The following GOLGA8B variants were observed in gnomAD, a reference collection of about 807,000 sequenced individuals.
GOLGA8B encodes the protein golgin A8 family member B, also known as golgin subfamily A member 8B.
In GOLGA8B, 1 loss-of-function variant was observed where a neutral mutation model predicts 15.6. The ratio of observed to expected loss-of-function variants is 0.06; its 90% CI spans 0.02 to 0.30. The LOEUF is 0.30. Ranked by LOEUF, GOLGA8B falls within the 10% of genes least tolerant of loss-of-function variation. GOLGA8B has a pLI of 1.00. For synonymous variants in GOLGA8B, 9 were observed against 80.3 expected, an observed-to-expected ratio of 0.11 and a Z score of 4.75; for missense variants, 17 against 201.3, an observed-to-expected ratio of 0.08 and a Z score of 5.54.
At chr15:34,561,056 T>G (rs1314750159) in intron 1 of GOLGA8B, among the ~76,000 whole-genome samples, 1 of 146,632 alleles carries the variant, frequency 6.8e-6, no homozygotes, top group African/African-American at 2.5e-5. Flanking sequence ...ACCTGGTATG[T>G]GAGGCAGGTG....
chr15:34,580,325 G>A (rs1320853265), intron 1 of GOLGA8B, among the ~76,000 whole-genome samples: 3 of 152,292 alleles, frequency 2.0e-5, no homozygotes, highest in East Asian at 3.9e-4. Flanking sequence ...ATCAGGCCGA[G>A]ACACATGGAT....
In GOLGA8B at chr15:34,525,329, C is replaced by T. The variant is rs943431190; in HGVS notation, c.*2303G>A. The T allele has an allele frequency of 2.7e-5, 4 of 149,774 alleles. 2 individuals carry two copies. The highest frequency in any genetic ancestry group is 5.9e-5 in the Non-Finnish European group (4 of 67,256). The allele number at this position is 149,774 out of a possible 1,614,324, so 9.3% of individuals were successfully genotyped here. On this transcript the variant is annotated 3_prime_UTR_variant, in exon 24 of 24. Coordinates refer to ENST00000683415, the MANE Select transcript of GOLGA8B (RefSeq NM_001023567.5). The stretch of plus-strand genomic sequence containing the variant: ...TCACATTACAGTAGCATCACACCAG[C>T]AGTCAATAATGCCACTTTAGGCAAA...
chr15:34,579,614 T>C (rs777987429), intron 1 of GOLGA8B, among the ~76,000 whole-genome samples: 1 of 152,246 alleles, frequency 6.6e-6, no homozygotes, highest in African/African-American at 2.4e-5. Flanking sequence ...AAACTGACGT[T>C]GCACAGTACA....
intron 1 of GOLGA8B, among the ~76,000 whole-genome samples, chr15:34,577,996 T>C (rs891949354): frequency 1.3e-5 from 2 of 152,246 alleles, no homozygotes; most frequent in African/African-American, 2.4e-5. Context: ...GATATTCTTA[T>C]GGGACCTCTG....
At chr15:34,570,680 C>A (rs1888892179) in intron 1 of GOLGA8B, among the ~76,000 whole-genome samples, 1 of 127,352 alleles carries the variant, frequency 7.9e-6, no homozygotes, top group South Asian at 2.6e-4. Context: ...GGAAGAATGA[C>A]AAACCATTTA....
intron 1 of GOLGA8B, among the ~76,000 whole-genome samples, chr15:34,567,325 A>C (rs1226996782): frequency 6.8e-6 from 1 of 147,692 alleles, no homozygotes; most frequent in Non-Finnish European, 1.5e-5. Context: ...CTCCATACAA[A>C]ACCACATGGG....
chr15:34,526,108 C>T lies in GOLGA8B; in HGVS notation c.*1524G>A, dbSNP rs1283583984. On this transcript the variant is annotated 3_prime_UTR_variant, in exon 24 of 24. Coordinates refer to ENST00000683415, the MANE Select transcript of GOLGA8B (RefSeq NM_001023567.5). ...ACAGAAATATTGCACAAAATATGTC[C>T]CTGACTGAAACTGAGAGGTACAAAA... 1 of 149,714 alleles carries T rather than the reference C, an allele frequency of 6.7e-6. No homozygotes were observed. The highest frequency in any genetic ancestry group is 1.5e-5 in the Non-Finnish European group (1 of 67,162). 9.3% of individuals were successfully genotyped at this position (149,714 alleles called of 1,614,324 possible).
At chr15:34,563,577 T>C (rs1224749756) in intron 1 of GOLGA8B, among the ~76,000 whole-genome samples, 1 of 150,660 alleles carries the variant, frequency 6.6e-6, no homozygotes, top group Non-Finnish European at 1.5e-5. Flanking sequence ...TTGGTAATTG[T>C]GTGTGTTTAT....
chr15:34,579,296 A>C (rs1889166414), intron 1 of GOLGA8B, among the ~76,000 whole-genome samples: 1 of 151,866 alleles, frequency 6.6e-6, no homozygotes. Context: ...AAGCAGGAGG[A>C]GGCTTCTGGA....
intron 1 of GOLGA8B, among the ~76,000 whole-genome samples, chr15:34,580,279 A>G (rs184985328): frequency 5.3e-5 from 8 of 152,104 alleles, no homozygotes; most frequent in Admixed American, 1.3e-4. Context: ...GCCTGGAGGG[A>G]CCATTCTTGG....
At chr15:34,581,876 G>A (rs1454683090) in intron 1 of GOLGA8B, among the ~76,000 whole-genome samples, 2 of 152,116 alleles carry the variant, frequency 1.3e-5, no homozygotes, top group Non-Finnish European at 2.9e-5. Context: ...CCATCACCCA[G>A]TCCCAGCCCA....
At position 34,583,539 on chromosome 15, in the gene GOLGA8B, C is replaced by G. The variant is rs1020572890; in HGVS notation, c.-1146G>C. 2 of 152,030 alleles carry G rather than the reference C, an allele frequency of 1.3e-5. No individual in the cohort carries two copies. Among genetic ancestry groups the G allele is most frequent in the African/African-American group, 4.8e-5 (2 of 41,392 alleles). 9.4% of individuals were successfully genotyped at this position (152,030 alleles called of 1,614,324 possible). ...ACCTGGCCAGGGCGCGGGGCTGCCC[C>G]GGTCCGCCGCCGTCCTCGCCCCGCA... On this transcript the variant is annotated 5_prime_UTR_variant, in exon 1 of 24. Coordinates refer to ENST00000683415, the MANE Select transcript of GOLGA8B (RefSeq NM_001023567.5).
chr15:34,565,687 T>TC (rs1888742024), intron 1 of GOLGA8B, among the ~76,000 whole-genome samples: 1 of 2,194 alleles, frequency 4.6e-4, no homozygotes, highest in East Asian at 3.2e-3. Flanking sequence ...TTCTTTTTTT[T>TC]CTGAGACGGA....
At chr15:34,565,184 G>A (rs1326820314) in intron 1 of GOLGA8B, among the ~76,000 whole-genome samples, 1 of 135,858 alleles carries the variant, frequency 7.4e-6, no homozygotes, top group African/African-American at 2.6e-5. Flanking sequence ...CGCCCAGGCT[G>A]GAGTGCAATG....
intron 7 of GOLGA8B, among the ~76,000 whole-genome samples, chr15:34,539,394 G>A: frequency 1.1e-5 from 1 of 94,088 alleles, no homozygotes; most frequent in Non-Finnish European, 2.2e-5. Flanking sequence ...AGTAGAAGAT[G>A]AGGCCAGAAC....
intron 1 of GOLGA8B, among the ~76,000 whole-genome samples, chr15:34,579,397 A>G (rs1889168966): frequency 6.6e-6 from 1 of 152,136 alleles, no homozygotes; most frequent in Admixed American, 6.5e-5. Context: ...TGGGAAGGGA[A>G]TCTGGGCGTG....
At chr15:34,575,916 A>C (rs1202492046) in intron 1 of GOLGA8B, among the ~76,000 whole-genome samples, 5 of 152,130 alleles carry the variant, frequency 3.3e-5, no homozygotes, top group African/African-American at 1.2e-4. Flanking sequence ...GAAAATACCT[A>C]CTGAGTGCAT....
intron 1 of GOLGA8B, among the ~76,000 whole-genome samples, chr15:34,577,917 A>T (rs76140999): frequency 2.0e-5 from 3 of 152,142 alleles, no homozygotes; most frequent in Non-Finnish European, 4.4e-5. Flanking sequence ...ACATTTTTTT[A>T]AAAAATAAAG....
chr15:34,581,450 T>C (rs1889232943), intron 1 of GOLGA8B: 1 of 152,260 alleles, frequency 6.6e-6, no homozygotes, highest in Non-Finnish European at 1.5e-5. Flanking sequence ...GTGTGATCAG[T>C]GTCTTTTACA....
Sources: allele counts gnomAD v4.1 joint callset (sites outside exome capture counted in the v4.1 genomes callset), GRCh38; gene constraint gnomAD v4.1.1; transcripts MANE v1.5; gene names NCBI Gene and HGNC (gene_info 2026-07-23, HGNC 2026-07-21).